Variants in DDX46 observed in about 807,000 individuals in gnomAD.
DDX46 encodes the protein probable ATP-dependent RNA helicase DDX46.
Under a neutral mutation model 134.9 loss-of-function variants are expected in DDX46, and 30 were observed. The observed-to-expected ratio is 0.22, with a 90% CI of 0.17 to 0.30. The LOEUF (loss-of-function observed/expected upper bound fraction) is 0.30, where lower values mean the gene tolerates loss of function less well. Ranked by LOEUF, DDX46 falls within the 10% of genes least tolerant of loss-of-function variation. DDX46 has a pLI of 1.00. For missense variants in DDX46, 622 were observed against 1,248.7 expected (o/e 0.50, Z 7.56); for synonymous variants, 415 against 404.1 (o/e 1.03, Z -0.32).
At position 134,792,048 on chromosome 5, in the gene DDX46, G is replaced by C. The variant is rs953642637; in HGVS notation, c.1626+1496G>C. On this transcript the variant is annotated intron_variant, in intron 13 of 22. Coordinates refer to ENST00000452510, the MANE Select transcript of DDX46 (RefSeq NM_001300860.2). ...AAAAATTAGCTGGACATGGTGACGG[G>C]CGCCTGTAATCCCAGCTACTTGGGA... Among the ~76,000 whole-genome samples, 8 of 152,190 alleles carry C rather than the reference G, an allele frequency of 5.3e-5. No individual in the cohort carries two copies. The East Asian group carries it at 1.5e-3, about 29-fold the overall frequency.
rs557010864 is a variant in DDX46 at position 134,806,971 on chromosome 5, T to C, written c.1955-777T>C. Among the ~76,000 whole-genome samples, 5 of 152,268 alleles carry C rather than the reference T, an allele frequency of 3.3e-5. No individual in the cohort carries two copies. The South Asian group carries it at 8.3e-4, about 25-fold the overall frequency. ...AACCAGTATTCCTAAAACTTTAATT[T>C]GCATATGATAATCACCTAAGGTTTT... On this transcript the variant is annotated intron_variant, in intron 15 of 22. Transcript: ENST00000452510.
At chr5:134,821,326 G>A (rs1755442284) in intron 21 of DDX46, among the ~76,000 whole-genome samples, 1 of 151,824 alleles carries the variant, frequency 6.6e-6, no homozygotes, top group Non-Finnish European at 1.5e-5. Flanking sequence ...ACAGGCGTGA[G>A]CCACTGCGCC....
intron 5 of DDX46, among the ~76,000 whole-genome samples, chr5:134,775,339 G>C (rs369487523): frequency 5.9e-5 from 9 of 152,270 alleles, no homozygotes; most frequent in African/African-American, 2.2e-4. Context: ...GGAGATTGTA[G>C]AATTTTATAG....
intron 4 of DDX46, among the ~76,000 whole-genome samples, chr5:134,771,365 T>G (rs1328092741): frequency 1.4e-5 from 2 of 144,134 alleles, no homozygotes; most frequent in Non-Finnish European, 3.1e-5. Context: ...AGTGCTGAGA[T>G]TACAGGTGTG....
chr5:134,786,380 C>T (rs945700923), intron 11 of DDX46, among the ~76,000 whole-genome samples: 3 of 152,084 alleles, frequency 2.0e-5, no homozygotes, highest in East Asian at 1.9e-4. Context: ...ATCCCTCCTC[C>T]CTCTTCCCCT....
intron 13 of DDX46, among the ~76,000 whole-genome samples, chr5:134,791,215 G>A (rs1002947619): frequency 6.6e-6 from 1 of 152,116 alleles, no homozygotes; most frequent in Non-Finnish European, 1.5e-5. Flanking sequence ...AGTCATTCAC[G>A]TTTGCTAAGA....
intron 22 of DDX46, 73 bp downstream of exon 22, chr5:134,827,093 T>C (rs1755610691): frequency 2.1e-6 from 3 of 1,415,238 alleles, no homozygotes; most frequent in African/African-American, 2.9e-5. Flanking sequence ...TACAGAGAAG[T>C]ACTCAAATCA....
chr5:134,822,723 A>G (rs538523038), intron 21 of DDX46, among the ~76,000 whole-genome samples: 2 of 152,166 alleles, frequency 1.3e-5, no homozygotes, highest in Admixed American at 6.5e-5. Context: ...CCACAGGTGT[A>G]TGCCACTATG....
intron 9 of DDX46, among the ~76,000 whole-genome samples, chr5:134,784,136 A>C (rs534852086): frequency 1.4e-4 from 22 of 152,304 alleles, no homozygotes; most frequent in Non-Finnish European, 2.6e-4. Context: ...AATGGGATCA[A>C]ACAATATATA....
chr5:134,795,102 C>A, intron 14 of DDX46, 88 bp downstream of exon 14: 1 of 1,488,580 alleles, frequency 6.7e-7, no homozygotes, highest in East Asian at 2.3e-5. Context: ...GTGAGGTAGG[C>A]AAGGTAATTT....
At chr5:134,795,157 C>CA (rs1754613212) in intron 14 of DDX46, 143 bp downstream of exon 14, 2 of 931,812 alleles carry the variant, frequency 2.1e-6, no homozygotes, top group African/African-American at 1.7e-5. Context: ...CAGTATTTTA[C>CA]CAGATAAACT....
intron 16 of DDX46, among the ~76,000 whole-genome samples, chr5:134,810,060 G>GA: frequency 6.6e-6 from 1 of 152,024 alleles, no homozygotes; most frequent in Admixed American, 6.6e-5. Context: ...GTTTGGGTCA[G>GA]ATTGTTTTTT....
chr5:134,760,284 T>G (rs1753337305), intron 1 of DDX46, among the ~76,000 whole-genome samples: 1 of 152,206 alleles, frequency 6.6e-6, no homozygotes, highest in Admixed American at 6.6e-5. Context: ...CTGGTGTGCA[T>G]GGCCTGTGCT....
intron 16 of DDX46, among the ~76,000 whole-genome samples, chr5:134,809,602 C>T (rs1042644774): frequency 2.6e-5 from 4 of 152,154 alleles, no homozygotes; most frequent in Admixed American, 1.3e-4. Context: ...GTCTCGATCT[C>T]CTGACCTCGT....
intron 15 of DDX46, among the ~76,000 whole-genome samples, chr5:134,800,172 G>A (rs986369929): frequency 2.0e-5 from 3 of 151,980 alleles, no homozygotes; most frequent in African/African-American, 4.8e-5. Flanking sequence ...GGTCTCAAAC[G>A]CCTGACCTCA....
rs760221259 is a variant in DDX46 at position 134,777,709 on chromosome 5, G to C, written c.749G>C (p.Gly250Ala). 10 of 1,602,758 alleles carry C rather than the reference G, an allele frequency of 6.2e-6. No individual in the cohort carries two copies. Among genetic ancestry groups the C allele is most frequent in the South Asian group, 1.1e-5 (1 of 89,218 alleles). The change falls in exon 6 of 23, where the codon GGT (glycine) becomes GCT (alanine). Residue 250 changes from glycine to alanine, a missense_variant. Around this residue, in one of 8 missense-constraint regions of DDX46, gnomAD observed 244 missense variants for 349.3 expected, o/e 0.70. Coordinates refer to ENST00000452510, the MANE Select transcript of DDX46 (RefSeq NM_001300860.2). Reference sequence around the variant, plus strand: ...TTTAACATGAGAAGTGTAAAAGGTGGTGGGGGAAATGAAAAGGTATGGAAT... The same window carrying C: ...TTTAACATGAGAAGTGTAAAAGGTGCTGGGGGAAATGAAAAGGTATGGAAT... The part of the protein sequence containing the change: ...KKFNMRSVKG[G>A]GGNEKKSGPT...
At chr5:134,815,899 A>C (rs567618270) in intron 18 of DDX46, among the ~76,000 whole-genome samples, 87 of 152,012 alleles carry the variant, frequency 5.7e-4, no homozygotes, top group Non-Finnish European at 1.1e-3. Context: ...AGGCAAATCC[A>C]ATTGGATTTT....
At chr5:134,771,327 T>G (rs1411472613) in intron 4 of DDX46, among the ~76,000 whole-genome samples, 1 of 149,382 alleles carries the variant, frequency 6.7e-6, no homozygotes, top group Non-Finnish European at 1.5e-5. Context: ...ACTCCTGACC[T>G]TGTGATCCCC....
chr5:134,826,836 TAC>T, intron 21 of DDX46, 109 bp from the exon 22 acceptor site: 3 of 975,952 alleles, frequency 3.1e-6, no homozygotes, highest in Non-Finnish European at 3.0e-6. Flanking sequence ...TGGCAGGCAG[TAC>T]AGTGTTTCTG....
Sources: allele counts gnomAD v4.1 joint callset (sites outside exome capture counted in the v4.1 genomes callset), GRCh38; gene constraint gnomAD v4.1.1; regional missense constraint gnomAD v4.1.1; transcripts MANE v1.5; gene names NCBI Gene and HGNC (gene_info 2026-07-23, HGNC 2026-07-21).